Variants in MYO15A observed in about 807,000 individuals in gnomAD.
MYO15A encodes the protein myosin XVA.
A neutral mutation model predicts 394.6 loss-of-function variants in MYO15A; 308 were observed. The observed-to-expected ratio is 0.78, with a 90% CI of 0.71 to 0.86. The LOEUF (loss-of-function observed/expected upper bound fraction) is 0.86. Ranked by LOEUF, MYO15A falls within the 40% of genes least tolerant of loss-of-function variation. The probability of loss-of-function intolerance (pLI) is 0.00; values close to 1 mark genes in which losing one functional copy is unlikely to be tolerated. For synonymous variants in MYO15A, 1,957 were observed against 2,003.8 expected (o/e 0.98, Z 0.62); for missense variants, 4,606 against 4,799.1 (o/e 0.96, Z 1.19).
chr17:18,164,995 C>T (rs573482835), intron 60 of MYO15A: 3 of 150,848 alleles, frequency 2.0e-5, no homozygotes, highest in Non-Finnish European at 2.9e-5. Context: ...CAAAATTAGC[C>T]AGGCATGGTG....
At position 18,140,532 on chromosome 17, in the gene MYO15A, T is replaced by C; in HGVS notation, c.5227T>C (p.Phe1743Leu). ...RSRTRVVAHL[F>L]SSHAPQAAPQ... The stretch of plus-strand genomic sequence containing the variant: ...CCCTGCCCAGGTGGTGGCACACCTC[T>C]TCTCCAGCCATGCCCCACAGGCTGC... Residue 1743 changes from phenylalanine to leucine, a missense_variant, in exon 20 of 66, where the codon TTC becomes CTC. Phe to Leu is a conservative substitution (Grantham distance 22, BLOSUM62 0). Transcript: ENST00000647165. The C allele has an allele frequency of 6.2e-7, 1 of 1,613,590 alleles. No individual in the cohort carries two copies. Among genetic ancestry groups the C allele is most frequent in the Non-Finnish European group, 8.5e-7 (1 of 1,180,026 alleles).
chr17:18,121,078 GC>G lies in MYO15A; in HGVS notation c.2280del (p.Ser761LeufsTer20), dbSNP rs1435428628. The G allele has an allele frequency of 2.7e-6, 4 of 1,505,970 alleles. No homozygotes were observed. The highest frequency in any genetic ancestry group is 3.5e-6 in the Non-Finnish European group (4 of 1,132,042). 93.3% of individuals were successfully genotyped at this position (1,505,970 alleles called of 1,614,324 possible). ...AGGGGCGGCTTTCGGCTTCCCCGGG[GC>G]CTCTCCACGGGCGTCGCGGAGGCGA... is the stretch of plus-strand genomic sequence containing the variant. ...RRGAAFGFPG[A>X]SPRASRRRAW... On this transcript the variant is annotated frameshift_variant, in exon 2 of 66. Transcript: ENST00000647165. LOFTEE classifies it high-confidence loss of function. The surrounding 1 kb of genome is among the most constrained non-coding windows in gnomAD (Gnocchi z 5.3).
At chr17:18,164,721 A>C (rs2046825698) in intron 60 of MYO15A, 3 of 151,504 alleles carry the variant, frequency 2.0e-5, no homozygotes, top group Admixed American at 1.3e-4. Context: ...AATTCCAGCT[A>C]CTCAGGAGGC....
chr17:18,116,480 C>T (rs918169074), intron 1 of MYO15A, among the ~76,000 whole-genome samples: 3 of 152,246 alleles, frequency 2.0e-5, no homozygotes, highest in Admixed American at 6.5e-5. Flanking sequence ...TTTCCTCATC[C>T]GGAGAATGGA....
At chr17:18,138,639 C>G (rs562872940) in intron 17 of MYO15A, among the ~76,000 whole-genome samples, 172 bp from the exon 18 acceptor site, 2 of 152,286 alleles carry the variant, frequency 1.3e-5, no homozygotes, top group South Asian at 4.1e-4. Flanking sequence ...CCTCCAGTGC[C>G]TAGCTAAGGC....
In MYO15A at chr17:18,120,833, C is replaced by T. The variant is rs1320697469; in HGVS notation, c.2033C>T (p.Pro678Leu). 3.4e-6 allele frequency: 4 copies of T among 1,171,928 alleles called. No individual in the cohort carries two copies. The African/African-American group carries it at 5.0e-5, about 15-fold the overall frequency. 72.6% of individuals were successfully genotyped at this position (1,171,928 alleles called of 1,614,324 possible). A position where few individuals can be genotyped will look rare whatever the true frequency, so the allele number is the denominator to read the frequency against. ...CCAAGCTCCGGGCCCCCGCCCGCGCCGCCGCTCTCCCCGGCGCTCTCGGGC... is the reference window on the plus strand; with the variant it reads ...CCAAGCTCCGGGCCCCCGCCCGCGCTGCCGCTCTCCCCGGCGCTCTCGGGC... ...RPPSSGPPPA[P>L]PLSPALSGLP... The change falls in exon 2 of 66, where the codon CCG becomes CTG. Residue 678 changes from proline (P) to leucine (L), a missense_variant. Transcript: ENST00000647165.
At position 18,120,798 on chromosome 17, in the gene MYO15A, C is replaced by A; in HGVS notation, c.1998C>A (p.Pro666=). 1 of 1,304,650 alleles carries A rather than the reference C, an allele frequency of 7.7e-7. No homozygotes were observed. The highest frequency in any genetic ancestry group is 9.7e-7 in the Non-Finnish European group (1 of 1,029,876). The allele number at this position is 1,304,650 out of a possible 1,614,324, so 80.8% of individuals were successfully genotyped here. A position where few individuals can be genotyped will look rare whatever the true frequency, so the allele number is the denominator to read the frequency against. Reference sequence around the variant, plus strand: ...GCGCGCTCCTGTCTCCGCCCGTGCCCCCGCGGCCCCCAAGCTCCGGGCCCC... The same window carrying A: ...GCGCGCTCCTGTCTCCGCCCGTGCCACCGCGGCCCCCAAGCTCCGGGCCCC... The part of the protein sequence containing the change: ...HWSALLSPPV[P]PRPPSSGPPP... The change falls in exon 2 of 66, where the codon CCC becomes CCA. Residue 666 remains proline (P), a synonymous_variant. Transcript: ENST00000647165.
rs754478045 is a variant in MYO15A at position 18,124,561 on chromosome 17, C to T, written c.3688C>T (p.Leu1230=). Residue 1230 remains leucine (L), a synonymous_variant, in exon 3 of 66, where the codon CTG becomes TTG. Coordinates refer to ENST00000647165, the MANE Select transcript of MYO15A (RefSeq NM_016239.4). Reference sequence around the variant, plus strand: ...GGATGGTGTGGAGGACATGACACAGCTGGAGTGAGTGGGCAGGGCCGGCGG... The same window carrying T: ...GGATGGTGTGGAGGACATGACACAGTTGGAGTGAGTGGGCAGGGCCGGCGG... The part of the protein sequence containing the change: ...GEDGVEDMTQ[L]EDLQETTVLS... 6 of 1,613,026 alleles carry T rather than the reference C, an allele frequency of 3.7e-6. No homozygotes were observed. In the African/African-American group the frequency reaches 6.7e-5, roughly 18 times the overall value.
Position 18,124,492 on chromosome 17 carries a change from A to T in MYO15A, c.3619A>T (p.Ile1207Phe), listed in dbSNP as rs1331509058. 1 of 1,612,028 alleles carries T rather than the reference A, an allele frequency of 6.2e-7. No individual in the cohort carries two copies. Among genetic ancestry groups the T allele is most frequent in the East Asian group, 2.2e-5 (1 of 44,886 alleles). Residue 1207 changes from isoleucine (I) to phenylalanine (F), a missense_variant, in exon 3 of 66, where the codon ATC becomes TTC. Around this residue, in one of 2 missense-constraint regions of MYO15A, gnomAD observed 2,776 missense variants for 3,109.3 expected, o/e 0.89. Coordinates refer to ENST00000647165, the MANE Select transcript of MYO15A (RefSeq NM_016239.4). The stretch of plus-strand genomic sequence containing the variant: ...TCTCTCTCTCACACAGATGCACTCC[A>T]TCCGCAACCTGCCATCCATGCGGTT... ...PPSWRNKMHSIRNLPSMRFRE... is the reference protein window; with the variant it reads ...PPSWRNKMHSFRNLPSMRFRE...
chr17:18,122,251 A>G lies in MYO15A; in HGVS notation c.3451A>G (p.Ser1151Gly). ...PIQDPKPRAC[S>G]LRWSCLWLRA... ...TCAGGACCCCAAGCCAAGAGCCTGT[A>G]GTCTTCGCTGGTCCTGCCTCTGGCT... The change falls in exon 2 of 66, where the codon AGT (serine) becomes GGT (glycine). Residue 1151 changes from serine to glycine, a missense_variant. Ser to Gly is a moderately conservative substitution (Grantham distance 56). This residue lies in a region of MYO15A where 1,830 missense variants were observed against 1,689.7 expected (regional missense o/e 1.08). Transcript: ENST00000647165. 1.2e-6 allele frequency: 2 copies of G among 1,613,132 alleles called. No homozygotes were observed. Among genetic ancestry groups the G allele is most frequent in the Non-Finnish European group, 1.7e-6 (2 of 1,180,016 alleles).
At position 18,159,343 on chromosome 17, in the gene MYO15A, C is replaced by T. The variant is rs2142393395; in HGVS notation, c.9225C>T (p.Phe3075=). 6.2e-7 allele frequency: 1 copy of T among 1,614,178 alleles called. No homozygotes were observed. The highest frequency in any genetic ancestry group is 8.5e-7 in the Non-Finnish European group (1 of 1,180,038). Residue 3075 remains phenylalanine (F), a synonymous_variant, in exon 54 of 66, where the codon TTC becomes TTT. Transcript: ENST00000647165. ...SSLSKMATDM[F]LAVMRFMGDA... ...TCAGCAAGATGGCCACCGACATGTT[C>T]CTAGGTGTGGGAGTGGGACTGCAGC...
At chr17:18,142,328 T>C in intron 24 of MYO15A, 74 bp downstream of exon 24, 3 of 1,518,494 alleles carry the variant, frequency 2.0e-6, no homozygotes, top group Non-Finnish European at 2.7e-6. Context: ...TGAACTTAGG[T>C]GGTGAGCTCC....
chr17:18,126,318 C>T lies in MYO15A; in HGVS notation c.3757-29C>T, dbSNP rs377560367. 52 of 1,591,378 alleles carry T rather than the reference C, an allele frequency of 3.3e-5. 1 individual carries two copies. The highest frequency in any genetic ancestry group is 1.1e-4 in the South Asian group (10 of 90,494). ...GGACATAGAGGTCTGCAAGGAGCCACGACGCTGAGGCCACCGTCTGCCCAG... is the reference window on the plus strand; with the variant it reads ...GGACATAGAGGTCTGCAAGGAGCCATGACGCTGAGGCCACCGTCTGCCCAG... On this transcript the variant is annotated intron_variant, in intron 4 of 65. Coordinates refer to ENST00000647165, the MANE Select transcript of MYO15A (RefSeq NM_016239.4).
In MYO15A at chr17:18,120,952, T is replaced by A. The variant is rs2955367; in HGVS notation, c.2152T>A (p.Trp718Arg). The A allele has an allele frequency of 6.8e-7, 1 of 1,480,322 alleles. No homozygotes were observed. The highest frequency in any genetic ancestry group is 1.3e-5 in the South Asian group (1 of 78,916). 91.7% of individuals were successfully genotyped at this position (1,480,322 alleles called of 1,614,324 possible). ...AHVPPAPQAS[W>R]WAFVEPPAVS... ...CGTGCCACCGGCGCCGCAGGCCAGC[T>A]GGTGGGCCTTCGTGGAGCCCCCTGC... Residue 718 changes from tryptophan to arginine, a missense_variant, in exon 2 of 66, where the codon TGG (tryptophan) becomes AGG (arginine). This residue lies in a region of MYO15A where 1,830 missense variants were observed against 1,689.7 expected (regional missense o/e 1.08). Transcript: ENST00000647165.
chr17:18,163,073 T>A (rs1198728978), intron 58 of MYO15A, among the ~76,000 whole-genome samples, 171 bp from the exon 59 acceptor site: 1 of 152,058 alleles, frequency 6.6e-6, no homozygotes, highest in Non-Finnish European at 1.5e-5. Context: ...CTCTGTCAGG[T>A]GCATTGCACT....
chr17:18,140,697 A>G, intron 20 of MYO15A, 32 bp downstream of exon 20: 1 of 1,614,032 alleles, frequency 6.2e-7, no homozygotes. Flanking sequence ...CGGAGCACCC[A>G]GCCTCATCCT....
In MYO15A at chr17:18,136,605, G is replaced by T. The variant is rs2046279553; in HGVS notation, c.4698G>T (p.Trp1566Cys). ...AKVLYALLFS[W>C]LITRVNALVS... ...TCTTGTATGCACTGCTGTTCAGCTG[G>T]CTCATCACCAGGGTCAACGCGCTGG... Residue 1566 changes from tryptophan to cysteine, a missense_variant, in exon 15 of 66, where the codon TGG becomes TGT. Physicochemically the swap from Trp to Cys is radical, Grantham distance 215. Transcript: ENST00000647165. 6.2e-7 allele frequency: 1 copy of T among 1,613,916 alleles called. No individual in the cohort carries two copies. The highest frequency in any genetic ancestry group is 1.3e-5 in the African/African-American group (1 of 75,070).
intron 1 of MYO15A, among the ~76,000 whole-genome samples, chr17:18,115,069 G>T (rs555142953): frequency 2.6e-5 from 4 of 152,240 alleles, no homozygotes; most frequent in Admixed American, 6.5e-5. Context: ...CCTGGCCAAT[G>T]ACCTGACGGC....
chr17:18,130,390 C>G (rs183238927), intron 7 of MYO15A, among the ~76,000 whole-genome samples: 10 of 151,462 alleles, frequency 6.6e-5, no homozygotes, highest in Non-Finnish European at 1.2e-4. Flanking sequence ...ATTCTGGTGG[C>G]CTTCCTGTGA....
Sources: gnomAD v4.1 joint callset for allele counts (sites outside exome capture counted in the v4.1 genomes callset) on GRCh38, gnomAD v4.1.1 for gene constraint, gnomAD v4.1.1 regional missense constraint, Gnocchi (gnomAD v3.1) non-coding constraint, MANE v1.5 for transcripts, NCBI Gene and HGNC (gene_info 2026-07-23, HGNC 2026-07-21) for gene names.